The following DGKB variants were observed in gnomAD, a reference collection of about 807,000 sequenced individuals.
DGKB encodes the protein diacylglycerol kinase beta, also known as 90 kDa diacylglycerol kinase.
A neutral mutation model predicts 114.3 loss-of-function variants in DGKB; 67 were observed. The ratio of observed to expected loss-of-function variants is 0.59; its 90% CI spans 0.48 to 0.72. The LOEUF (loss-of-function observed/expected upper bound fraction) is 0.72, where lower values mean the gene tolerates loss of function less well. Ranked by LOEUF, DGKB falls within the 30% of genes least tolerant of loss-of-function variation. The pLI is 0.00. For synonymous variants in DGKB, 398 were observed against 323.1 expected (o/e 1.23, Z -2.49); for missense variants, 907 against 975.2 (o/e 0.93, Z 0.93).
chr7:14,407,488 G>A (rs1824131721), intron 21 of DGKB, among the ~76,000 whole-genome samples: 1 of 151,944 alleles, frequency 6.6e-6, no homozygotes, highest in Admixed American at 6.6e-5. Flanking sequence ...ATTTTAGAGG[G>A]CAGGCTGATG....
chr7:14,240,490 A>G (rs979195825), intron 23 of DGKB, among the ~76,000 whole-genome samples: 5 of 152,116 alleles, frequency 3.3e-5, no homozygotes, highest in African/African-American at 1.2e-4. Context: ...GACTCACCTA[A>G]GAAACCTTAG....
chr7:14,545,659 C>T (rs1056758106), intron 20 of DGKB, among the ~76,000 whole-genome samples: 3 of 152,200 alleles, frequency 2.0e-5, no homozygotes, highest in African/African-American at 7.2e-5. Context: ...ACAATAGCTG[C>T]TCAGCAGGAT....
chr7:14,681,473 G>C (rs1563892548), intron 12 of DGKB, among the ~76,000 whole-genome samples: 1 of 151,496 alleles, frequency 6.6e-6, no homozygotes, highest in Non-Finnish European at 1.5e-5. Context: ...GAGAGAAAAA[G>C]AGAGCATTTA....
intron 8 of DGKB, among the ~76,000 whole-genome samples, chr7:14,694,698 C>T (rs552155719): frequency 1.3e-5 from 2 of 150,852 alleles, no homozygotes; most frequent in South Asian, 4.3e-4. Flanking sequence ...CTAAAGATGA[C>T]TTGCACGTAA....
At chr7:14,239,033 C>T (rs938287897) in intron 23 of DGKB, among the ~76,000 whole-genome samples, 1 of 152,014 alleles carries the variant, frequency 6.6e-6, no homozygotes, top group African/African-American at 2.4e-5. Flanking sequence ...CTCCCACTGC[C>T]TAACTTTGTA....
intron 20 of DGKB, among the ~76,000 whole-genome samples, chr7:14,507,966 A>G (rs1478051487): frequency 6.6e-6 from 1 of 152,200 alleles, no homozygotes; most frequent in Non-Finnish European, 1.5e-5. Context: ...AATTATTTAA[A>G]ATATTTTAAA....
intron 2 of DGKB, among the ~76,000 whole-genome samples, chr7:14,825,237 A>G (rs1386432926): frequency 6.6e-6 from 1 of 151,754 alleles, no homozygotes; most frequent in East Asian, 1.9e-4. Flanking sequence ...ACCAGGGACC[A>G]GTGTCATGGA....
intron 3 of DGKB, among the ~76,000 whole-genome samples, chr7:14,754,742 A>G (rs559487290): frequency 5.4e-4 from 82 of 152,276 alleles, no homozygotes; most frequent in African/African-American, 1.9e-3. Flanking sequence ...TTAACATTAT[A>G]TTATTTACAC....
intron 1 of DGKB, among the ~76,000 whole-genome samples, chr7:14,882,476 T>C (rs1176386708): frequency 6.6e-6 from 1 of 152,060 alleles, no homozygotes; most frequent in Non-Finnish European, 1.5e-5. Context: ...GCAATACAAG[T>C]GCAATTTTGT....
Position 14,788,508 on chromosome 7 carries a change from C to T in DGKB, c.71-30777G>A, listed in dbSNP as rs188475132. ...CACAAACCAATGAATCCAGTCTACA[C>T]TCCAACACCTTTTTTAACTGAGCTT... On this transcript the variant is annotated intron_variant, in intron 2 of 25. Coordinates refer to ENST00000402815, the MANE Select transcript of DGKB (RefSeq NM_001350709.2). 1.8e-3 allele frequency among the ~76,000 whole-genome samples: 270 copies of T among 152,260 alleles called. 2 individuals carry two copies. The highest frequency in any genetic ancestry group is 3.4e-3 in the Middle Eastern group (1 of 294).
At chr7:14,962,983 C>G (rs990520003) in intron 1 of DGKB, among the ~76,000 whole-genome samples, 1 of 152,080 alleles carries the variant, frequency 6.6e-6, no homozygotes, top group Non-Finnish European at 1.5e-5. Flanking sequence ...TGAGCACTTT[C>G]ATTTTCTCTC....
intron 22 of DGKB, among the ~76,000 whole-genome samples, chr7:14,344,529 T>G (rs1026117929): frequency 4.6e-5 from 7 of 151,728 alleles, no homozygotes; most frequent in African/African-American, 1.7e-4. Context: ...AGCCAATGTT[T>G]CTTAATTCAT....
chr7:14,894,328 A>AATAGCTAAC (rs1781767795), intron 1 of DGKB, among the ~76,000 whole-genome samples: 1 of 151,322 alleles, frequency 6.6e-6, no homozygotes, highest in Admixed American at 6.6e-5. Flanking sequence ...ACTCATGAGG[A>AATAGCTAAC]TCAGCAAAAC....
intron 13 of DGKB, among the ~76,000 whole-genome samples, chr7:14,646,085 T>TA (rs977239099): frequency 6.6e-6 from 1 of 152,080 alleles, no homozygotes; most frequent in Non-Finnish European, 1.5e-5. Context: ...CTGAATGGAT[T>TA]AAAAAACAAC....
At chr7:14,743,518 T>C (rs1160106786) in intron 4 of DGKB, among the ~76,000 whole-genome samples, 1 of 152,166 alleles carries the variant, frequency 6.6e-6, no homozygotes, top group Non-Finnish European at 1.5e-5. Context: ...TCCTGACCCC[T>C]AGCTTTTGGA....
At chr7:14,944,482 A>C (rs1785751528) in intron 1 of DGKB, among the ~76,000 whole-genome samples, 1 of 151,982 alleles carries the variant, frequency 6.6e-6, no homozygotes, top group African/African-American at 2.4e-5. Context: ...TTGCCTTTAC[A>C]ATAAAAAATT....
chr7:14,858,212 A>G (rs932992863), intron 1 of DGKB, among the ~76,000 whole-genome samples: 11 of 152,256 alleles, frequency 7.2e-5, no homozygotes, highest in Admixed American at 2.0e-4. Flanking sequence ...AATTGCCACA[A>G]TACAATGCTG....
intron 6 of DGKB, among the ~76,000 whole-genome samples, chr7:14,708,681 C>G (rs990164390): frequency 1.6e-4 from 25 of 151,722 alleles, no homozygotes; most frequent in African/African-American, 6.1e-4. Context: ...ACTGTCTGAT[C>G]TTTGACAAAC....
intron 2 of DGKB, among the ~76,000 whole-genome samples, chr7:14,802,702 T>C (rs1842326981): frequency 6.6e-6 from 1 of 152,124 alleles, no homozygotes; most frequent in South Asian, 2.1e-4. Context: ...ATGTTAAATG[T>C]TTCATTTTCT....
Sources: gnomAD v4.1 joint callset for allele counts (sites outside exome capture counted in the v4.1 genomes callset) on GRCh38, gnomAD v4.1.1 for gene constraint, MANE v1.5 for transcripts, NCBI Gene and HGNC (gene_info 2026-07-23, HGNC 2026-07-21) for gene names.